Variants in GPC6 observed in about 807,000 individuals in gnomAD.
GPC6 encodes the protein glypican-6.
GPC6 carries 14 observed loss-of-function variants against 55.2 expected under a neutral mutation model. That is an observed-to-expected ratio of 0.25 (90% confidence interval 0.17 to 0.40). The LOEUF (loss-of-function observed/expected upper bound fraction) is 0.40. Among genes scored for constraint, GPC6 ranks in the 10% least tolerant of loss-of-function variants. The pLI, the probability that GPC6 is intolerant of heterozygous loss-of-function variation, is 1.00. For missense variants in GPC6, 641 were observed against 708.5 expected (o/e 0.90, Z 1.08); for synonymous variants, 278 against 259.6 (o/e 1.07, Z -0.68).
chr13:94,334,984 T>C (rs1412239666), intron 6 of GPC6, among the ~76,000 whole-genome samples: 2 of 152,226 alleles, frequency 1.3e-5, no homozygotes, highest in African/African-American at 2.4e-5. Context: ...CAACTATTTA[T>C]TGTGATTGTA....
intron 4 of GPC6, among the ~76,000 whole-genome samples, chr13:94,172,320 A>C (rs1888598912): frequency 6.6e-6 from 1 of 152,210 alleles, no homozygotes; most frequent in South Asian, 2.1e-4. Context: ...TCAATAGTAC[A>C]TATTAACTGC....
chr13:93,409,492 A>T (rs1447433615), intron 1 of GPC6, among the ~76,000 whole-genome samples: 1 of 152,108 alleles, frequency 6.6e-6, no homozygotes, highest in East Asian at 1.9e-4. Flanking sequence ...ATAACTGAAA[A>T]AGGGAAGGTG....
chr13:93,434,446 A>C (rs1232487195), intron 1 of GPC6, among the ~76,000 whole-genome samples: 2 of 152,180 alleles, frequency 1.3e-5, no homozygotes, highest in East Asian at 3.9e-4. Context: ...TTGTGGGGAC[A>C]GTGAGGAATA....
intron 2 of GPC6, among the ~76,000 whole-genome samples, chr13:93,671,408 T>C (rs182749422): frequency 1.6e-4 from 25 of 152,218 alleles, no homozygotes; most frequent in Non-Finnish European, 2.9e-5. Context: ...CAACTTCATA[T>C]ACCAATGCTC....
intron 2 of GPC6, among the ~76,000 whole-genome samples, chr13:93,605,386 A>G (rs1360141014): frequency 6.6e-6 from 1 of 152,202 alleles, no homozygotes; most frequent in African/African-American, 2.4e-5. Context: ...ATGAATAGTT[A>G]TTGCACAAGG....
chr13:93,316,938 A>C (rs1005752381), intron 1 of GPC6, among the ~76,000 whole-genome samples: 2 of 152,090 alleles, frequency 1.3e-5, no homozygotes, highest in African/African-American at 4.8e-5. Flanking sequence ...TTAAGCTGTC[A>C]TTATCTGATC....
At chr13:94,005,478 A>C (rs543549904) in intron 3 of GPC6, among the ~76,000 whole-genome samples, 62 of 152,330 alleles carry the variant, frequency 4.1e-4, no homozygotes, top group African/African-American at 1.5e-3. Context: ...TAAAAGGTAC[A>C]ACACAGAGTC....
At chr13:94,014,598 C>A (rs1355869995) in intron 3 of GPC6, among the ~76,000 whole-genome samples, 1 of 152,142 alleles carries the variant, frequency 6.6e-6, no homozygotes, top group African/African-American at 2.4e-5. Context: ...GCAAGCACCA[C>A]TGTTCCCATA....
At chr13:94,045,204 T>A (rs141127982) in intron 4 of GPC6, among the ~76,000 whole-genome samples, 2 of 151,872 alleles carry the variant, frequency 1.3e-5, no homozygotes, top group Non-Finnish European at 2.9e-5. Context: ...ATAACAGCAA[T>A]TATGGAAAAG....
intron 2 of GPC6, among the ~76,000 whole-genome samples, chr13:93,570,501 TTC>T (rs1876349059): frequency 6.6e-6 from 1 of 152,150 alleles, no homozygotes; most frequent in African/African-American, 2.4e-5. Flanking sequence ...CCATTCGATG[TTC>T]TATAAATAGT....
At chr13:94,388,148 T>C (rs1880493147) in intron 7 of GPC6, among the ~76,000 whole-genome samples, 1 of 152,252 alleles carries the variant, frequency 6.6e-6, no homozygotes, top group Admixed American at 6.5e-5. Context: ...AATTCACATT[T>C]AATTGGCAAC....
intron 1 of GPC6, among the ~76,000 whole-genome samples, chr13:93,465,705 T>C (rs1878879264): frequency 6.6e-6 from 1 of 152,186 alleles, no homozygotes; most frequent in Admixed American, 6.5e-5. Flanking sequence ...GTGTGTGCAT[T>C]GGAGTAACAC....
chr13:94,174,386 G>A (rs754225012), intron 4 of GPC6, among the ~76,000 whole-genome samples: 79 of 152,174 alleles, frequency 5.2e-4, no homozygotes, highest in Non-Finnish European at 9.1e-4. Flanking sequence ...TGGAGTTAGA[G>A]GACACAATGG....
chr13:93,798,793 C>A (rs1329716146), intron 2 of GPC6, among the ~76,000 whole-genome samples: 1 of 151,664 alleles, frequency 6.6e-6, no homozygotes, highest in Non-Finnish European at 1.5e-5. Context: ...GTGGTGTGTG[C>A]CTGTAATCCC....
intron 1 of GPC6, among the ~76,000 whole-genome samples, chr13:93,458,686 T>C (rs1878564139): frequency 6.6e-6 from 1 of 152,204 alleles, no homozygotes; most frequent in Admixed American, 6.5e-5. Context: ...TTTCTAATGT[T>C]TCCAAAACAA....
intron 1 of GPC6, among the ~76,000 whole-genome samples, chr13:93,441,438 A>T (rs1265411531): frequency 1.3e-5 from 2 of 152,134 alleles, no homozygotes; most frequent in Admixed American, 6.5e-5. Flanking sequence ...CATTTCTCTG[A>T]TGGCCAGTGA....
At chr13:94,119,986 C>G (rs946159419) in intron 4 of GPC6, among the ~76,000 whole-genome samples, 2 of 151,956 alleles carry the variant, frequency 1.3e-5, no homozygotes, top group African/African-American at 4.8e-5. Flanking sequence ...GCTGCAAGAG[C>G]ATAGATGATA....
At chr13:93,880,028 G>C (rs9524266) in intron 3 of GPC6, among the ~76,000 whole-genome samples, 88,864 of 149,076 alleles carry the variant, frequency 0.6, 27,198 homozygotes, top group East Asian at 0.8. Context: ...CCATCTCACA[G>C]CAGTTAGAAT....
At chr13:93,944,431 C>G (rs1451680601) in intron 3 of GPC6, among the ~76,000 whole-genome samples, 5 of 152,106 alleles carry the variant, frequency 3.3e-5, no homozygotes, top group Admixed American at 3.3e-4. Flanking sequence ...GTCTCGATCT[C>G]CTGACTTTGT....
Sources: gnomAD v4.1 joint callset for allele counts (sites outside exome capture counted in the v4.1 genomes callset) on GRCh38, gnomAD v4.1.1 for gene constraint, MANE v1.5 for transcripts, NCBI Gene and HGNC (gene_info 2026-07-23, HGNC 2026-07-21) for gene names.